The following SOX6 variants were observed in gnomAD, a reference collection of about 807,000 sequenced individuals.
The protein encoded by SOX6 is transcription factor SOX-6.
A neutral mutation model predicts 97.8 loss-of-function variants in SOX6; 11 were observed. The ratio of observed to expected loss-of-function variants is 0.11; its 90% CI spans 0.07 to 0.19. SOX6 has a LOEUF of 0.19. Ranked by LOEUF, SOX6 falls within the 10% of genes least tolerant of loss-of-function variation. The probability of loss-of-function intolerance (pLI) is 1.00; values close to 1 mark genes in which losing one functional copy is unlikely to be tolerated. For missense variants in SOX6, 810 were observed against 1,039.5 expected (o/e 0.78, Z 3.04); for synonymous variants, 360 against 371.4 (o/e 0.97, Z 0.35).
chr11:16,409,858 A>G (rs765999858), intron 1 of SOX6, among the ~76,000 whole-genome samples: 4 of 152,162 alleles, frequency 2.6e-5, no homozygotes, highest in African/African-American at 4.8e-5. Context: ...CTAATTTTCA[A>G]TAGAATAACT....
chr11:16,482,011 T>C (rs959232342), intron 4 of SOX6, among the ~76,000 whole-genome samples: 1 of 152,150 alleles, frequency 6.6e-6, no homozygotes, highest in African/African-American at 2.4e-5. Context: ...CTCAAATGTC[T>C]GGTTTAGAAA....
At chr11:16,321,808 T>A (rs10832591) in intron 2 of SOX6, among the ~76,000 whole-genome samples, 59,534 of 151,922 alleles carry the variant, frequency 0.39, 12,387 homozygotes, top group East Asian at 0.48. Context: ...TTAAGTCGCG[T>A]GTTATGTTAT....
Position 16,554,753 on chromosome 11 carries a change from G to A in SOX6, n.609+57328C>T, listed in dbSNP as rs185066963. On this transcript the variant is annotated intron_variant and non_coding_transcript_variant, in intron 4 of 5. Coordinates refer to the SOX6 transcript ENST00000524520. ...TATTAGAATTAAAATTAAATCTTTC[G>A]AGAAGGAGGTCAGTCTGAACTGTTC... Among the ~76,000 whole-genome samples, 11 of 151,982 alleles carry A rather than the reference G, an allele frequency of 7.2e-5. No individual in the cohort carries two copies. In the East Asian group the frequency reaches 1.7e-3, roughly 24 times the overall value.
chr11:16,356,137 C>A lies in SOX6; in HGVS notation c.-48G>T, dbSNP rs917109886. 6.6e-6 allele frequency among the ~76,000 whole-genome samples: 1 copy of A among 151,758 alleles called. No homozygotes were observed. Among genetic ancestry groups the A allele is most frequent in the South Asian group, 2.1e-4 (1 of 4,816 alleles). ...CACTCTTCAATCCGGCTTTCTCTTA[C>A]CACATCAGCCAGAACTTCAGAACTT... On this transcript the variant is annotated 5_prime_UTR_variant, in exon 1 of 16. Coordinates refer to ENST00000683767, the MANE Select transcript of SOX6 (RefSeq NM_001367873.1).
intron 4 of SOX6, among the ~76,000 whole-genome samples, chr11:16,196,555 C>A (rs556317144): frequency 2.4e-4 from 36 of 152,288 alleles, no homozygotes; most frequent in African/African-American, 8.4e-4. Flanking sequence ...AATATCCCAG[C>A]GACTAGTACA....
Position 16,561,062 on chromosome 11 carries a change from T to C in SOX6, n.609+51019A>G, listed in dbSNP as rs138767520. On this transcript the variant is annotated intron_variant and non_coding_transcript_variant, in intron 4 of 5. Transcript: ENST00000524520. ...GGTGCACCAAAATCTCAGAAATCAC[T>C]ACTAAAGAACTTATCCATGTAACCA... Among the ~76,000 whole-genome samples, 9 of 152,048 alleles carry C rather than the reference T, an allele frequency of 5.9e-5. No homozygotes were observed. In the East Asian group the frequency reaches 1.7e-3, roughly 29 times the overall value.
intron 7 of SOX6, among the ~76,000 whole-genome samples, chr11:16,109,680 G>A (rs1849180423): frequency 6.6e-6 from 1 of 152,156 alleles, no homozygotes; most frequent in South Asian, 2.1e-4. Flanking sequence ...AATAGCGTAA[G>A]AACATATAAT....
At chr11:16,700,328 T>C (rs1848083671) in intron 3 of SOX6, among the ~76,000 whole-genome samples, 1 of 152,218 alleles carries the variant, frequency 6.6e-6, no homozygotes. Context: ...ACAGCCAGTA[T>C]ACCTGGACTG....
chr11:15,978,612 T>G (rs1003140263), intron 15 of SOX6, among the ~76,000 whole-genome samples: 4 of 151,298 alleles, frequency 2.6e-5, no homozygotes, highest in Non-Finnish European at 5.9e-5. Context: ...CTCTTCTCTA[T>G]CTAAATTGAT....
intron 1 of SOX6, among the ~76,000 whole-genome samples, chr11:16,418,439 G>A (rs1196574939): frequency 1.3e-5 from 2 of 152,066 alleles, no homozygotes; most frequent in African/African-American, 4.8e-5. Flanking sequence ...GTACTACAGG[G>A]AACTGTCAAC....
intron 9 of SOX6, among the ~76,000 whole-genome samples, chr11:16,074,610 A>C (rs1391501770): frequency 6.6e-6 from 1 of 152,190 alleles, no homozygotes; most frequent in Non-Finnish European, 1.5e-5. Flanking sequence ...TCACATGCAC[A>C]ATAGCCACAA....
At position 16,335,023 on chromosome 11, in the gene SOX6, G is replaced by A. The variant is rs531682234; in HGVS notation, c.237+5989C>T. Among the ~76,000 whole-genome samples, 6 of 152,216 alleles carry A rather than the reference G, an allele frequency of 3.9e-5. No homozygotes were observed. In the South Asian group the frequency reaches 1.2e-3, roughly 32 times the overall value. Reference sequence around the variant, plus strand: ...GTGTCAACACTAGACAACATTTGCTGTCTATTTCACTACCCACAGCAAGAG... The same window carrying A: ...GTGTCAACACTAGACAACATTTGCTATCTATTTCACTACCCACAGCAAGAG... On this transcript the variant is annotated intron_variant, in intron 2 of 15. Coordinates refer to ENST00000683767, the MANE Select transcript of SOX6 (RefSeq NM_001367873.1).
chr11:16,646,625 C>G (rs773561347), intron 3 of SOX6, among the ~76,000 whole-genome samples: 14 of 152,088 alleles, frequency 9.2e-5, no homozygotes, highest in African/African-American at 1.4e-4. Flanking sequence ...CTGACTCACT[C>G]CCACCCTTTC....
intron 4 of SOX6, among the ~76,000 whole-genome samples, chr11:16,530,700 C>T (rs991177014): frequency 2.6e-5 from 4 of 151,920 alleles, no homozygotes; most frequent in Non-Finnish European, 5.9e-5. Context: ...CCCAGCTCCA[C>T]ACTGATGAAT....
intron 3 of SOX6, among the ~76,000 whole-genome samples, chr11:16,243,778 T>C (rs971518351): frequency 6.6e-6 from 1 of 151,940 alleles, no homozygotes; most frequent in African/African-American, 2.4e-5. Flanking sequence ...AATATATTCT[T>C]TTTTGGATAT....
intron 2 of SOX6, among the ~76,000 whole-genome samples, chr11:16,733,353 T>A (rs1033089485): frequency 3.3e-5 from 5 of 152,046 alleles, no homozygotes; most frequent in African/African-American, 1.2e-4. Context: ...ATAGACTGGA[T>A]AAAGAAAATG....
At chr11:16,419,130 G>C (rs938557528) in intron 1 of SOX6, among the ~76,000 whole-genome samples, 2 of 152,144 alleles carry the variant, frequency 1.3e-5, no homozygotes, top group Non-Finnish European at 2.9e-5. Flanking sequence ...AGATTTAAGA[G>C]TGTGGCAACA....
intron 6 of SOX6, among the ~76,000 whole-genome samples, chr11:16,130,423 T>C (rs549085622): frequency 1.3e-5 from 2 of 152,098 alleles, no homozygotes; most frequent in East Asian, 3.9e-4. Context: ...TTTCACTATG[T>C]TTATGCATAT....
intron 2 of SOX6, among the ~76,000 whole-genome samples, chr11:16,725,400 C>G (rs1205452175): frequency 4.0e-5 from 6 of 151,806 alleles, no homozygotes; most frequent in Admixed American, 3.9e-4. Flanking sequence ...TGGTGCGCAC[C>G]TATAGTCCCA....
Sources: gnomAD v4.1 joint callset for allele counts (sites outside exome capture counted in the v4.1 genomes callset) on GRCh38, gnomAD v4.1.1 for gene constraint, MANE v1.5 for transcripts, NCBI Gene and HGNC (gene_info 2026-07-23, HGNC 2026-07-21) for gene names.